ATG5: variants seen among roughly 807,000 people sequenced by gnomAD.
ATG5 encodes autophagy related 5, also known as autophagy protein 5.
Under a neutral mutation model 36.5 loss-of-function variants are expected in ATG5, and 14 were observed. The observed-to-expected ratio is 0.38, with a 90% CI of 0.25 to 0.60. The LOEUF (loss-of-function observed/expected upper bound fraction) is 0.60. Among genes scored for constraint, ATG5 ranks in the 20% least tolerant of loss-of-function variants. The pLI, the probability that ATG5 is intolerant of heterozygous loss-of-function variation, is 0.60. For synonymous variants in ATG5, 95 were observed against 101.5 expected (o/e 0.94, Z 0.38); for missense variants, 195 against 326.7 (o/e 0.60, Z 3.11).
chr6:106,279,100 G>T (rs1319312866), intron 5 of ATG5, among the ~76,000 whole-genome samples: 2 of 152,224 alleles, frequency 1.3e-5, no homozygotes, highest in African/African-American at 4.8e-5. Context: ...GAAGGCACTA[G>T]AGGGTGATCA....
intron 1 of ATG5, among the ~76,000 whole-genome samples, chr6:106,320,138 C>A (rs1169441115): frequency 1.3e-5 from 2 of 152,174 alleles, no homozygotes; most frequent in East Asian, 3.9e-4. Flanking sequence ...AAATTAGAAG[C>A]CACATCCTAA....
intron 5 of ATG5, among the ~76,000 whole-genome samples, chr6:106,274,665 A>G (rs1779576347): frequency 6.6e-6 from 1 of 152,180 alleles, no homozygotes; most frequent in Admixed American, 6.5e-5. Flanking sequence ...ATAAATTCAA[A>G]CAAGACACTT....
At position 106,255,440 on chromosome 6, in the gene ATG5, G is replaced by A. The variant is rs368297491; in HGVS notation, c.479-7196C>T. Among the ~76,000 whole-genome samples, 10 of 152,160 alleles carry A rather than the reference G, an allele frequency of 6.6e-5. No homozygotes were observed. In the East Asian group the frequency reaches 1.2e-3, roughly 18 times the overall value. On this transcript the variant is annotated intron_variant, in intron 5 of 7. Coordinates refer to ENST00000369076, the MANE Select transcript of ATG5 (RefSeq NM_004849.4). Reference sequence around the variant, plus strand: ...GTAAATCGTTAAAAACTACTGCTTGGAAATTTAAAGAAAATTAATCTTATT... The same window carrying A: ...GTAAATCGTTAAAAACTACTGCTTGAAAATTTAAAGAAAATTAATCTTATT...
intron 6 of ATG5, among the ~76,000 whole-genome samples, chr6:106,208,792 CTATAATA>C: frequency 6.6e-6 from 1 of 152,084 alleles, no homozygotes; most frequent in East Asian, 1.9e-4. Flanking sequence ...GGTCTTGTGT[CTATAATA>C]TATAAGAACT....
chr6:106,251,566 C>T (rs762937044), intron 5 of ATG5, among the ~76,000 whole-genome samples: 3 of 103,548 alleles, frequency 2.9e-5, no homozygotes, highest in African/African-American at 7.6e-5. Context: ...CTTTAATCTT[C>T]TTATAGAAAC....
intron 4 of ATG5, among the ~76,000 whole-genome samples, chr6:106,284,687 A>G (rs1780007142): frequency 6.6e-6 from 1 of 150,950 alleles, no homozygotes; most frequent in Non-Finnish European, 1.5e-5. Context: ...TAACCAATCT[A>G]GAGGGCGTGA....
Position 106,323,253 on chromosome 6 carries a change from A to G in ATG5, c.-59+2273T>C, listed in dbSNP as rs573324193. 2.4e-4 allele frequency among the ~76,000 whole-genome samples: 35 copies of G among 142,896 alleles called. No individual in the cohort carries two copies. In the East Asian group the frequency reaches 7.1e-3, roughly 29 times the overall value. 93.7% of individuals were successfully genotyped at this position (142,896 alleles called of 152,430 possible). ...TGGTCTTTTCCGTTTCGCTAAGTGG[A>G]AAAGTCCTTTTTTTTTTTTTTTTTT... is the stretch of plus-strand genomic sequence containing the variant. On this transcript the variant is annotated intron_variant, in intron 1 of 7. Transcript: ENST00000369076.
intron 6 of ATG5, among the ~76,000 whole-genome samples, chr6:106,219,011 G>A (rs1031368466): frequency 2.6e-5 from 4 of 151,830 alleles, no homozygotes; most frequent in Non-Finnish European, 5.9e-5. Context: ...AAGAAAAAAA[G>A]GAAGAAGGAA....
intron 6 of ATG5, among the ~76,000 whole-genome samples, chr6:106,212,840 T>C (rs1415609944): frequency 2.0e-5 from 3 of 152,210 alleles, no homozygotes; most frequent in Non-Finnish European, 2.9e-5. Flanking sequence ...ACTTTTCTTA[T>C]AGATCTTTAG....
At chr6:106,304,423 C>A (rs1770350774) in intron 3 of ATG5, 2 of 152,130 alleles carry the variant, frequency 1.3e-5, no homozygotes, top group African/African-American at 4.8e-5. Flanking sequence ...AGAATGGAAA[C>A]AATCCAATGT....
intron 3 of ATG5, among the ~76,000 whole-genome samples, chr6:106,308,131 T>C (rs1770517598): frequency 6.6e-6 from 1 of 152,182 alleles, no homozygotes; most frequent in South Asian, 2.1e-4. Context: ...TTGTACCATA[T>C]AAAAATCTAT....
chr6:106,291,622 G>C (rs1202988058), intron 4 of ATG5, among the ~76,000 whole-genome samples: 1 of 152,092 alleles, frequency 6.6e-6, no homozygotes, highest in Non-Finnish European at 1.5e-5. Flanking sequence ...AAGTATTTTA[G>C]AGCTTATTTT....
chr6:106,212,239 G>A (rs1007627413), intron 6 of ATG5, among the ~76,000 whole-genome samples: 1 of 152,164 alleles, frequency 6.6e-6, no homozygotes, highest in Non-Finnish European at 1.5e-5. Context: ...TAATTGAACT[G>A]AAAAGGCATT....
chr6:106,195,808 T>TTAAAAAAA (rs1238310122), intron 7 of ATG5, among the ~76,000 whole-genome samples: 1 of 91,348 alleles, frequency 1.1e-5, no homozygotes, highest in South Asian at 4.2e-4. Context: ...TGCTCCCCTC[T>TTAAAAAAA]AAAAAAAAAA....
intron 5 of ATG5, chr6:106,271,496 CACCTTCCTCTTGG>C (rs1222351115): frequency 2.6e-5 from 4 of 152,196 alleles, no homozygotes; most frequent in African/African-American, 9.7e-5. Context: ...GAATTGCAGG[CACCTTCCTCTTGG>C]ACTCTCTAGC....
chr6:106,271,967 A>C (rs966803857), intron 5 of ATG5, among the ~76,000 whole-genome samples: 1 of 152,228 alleles, frequency 6.6e-6, no homozygotes, highest in Non-Finnish European at 1.5e-5. Flanking sequence ...CCAGATAAAT[A>C]TGCATGATCT....
At chr6:106,188,672 G>A (rs1775861894) in intron 7 of ATG5, among the ~76,000 whole-genome samples, 1 of 152,206 alleles carries the variant, frequency 6.6e-6, no homozygotes, top group African/African-American at 2.4e-5. Context: ...TTCAAACACT[G>A]TGTAACAAGC....
At chr6:106,303,529 A>G (rs1770297528) in intron 3 of ATG5, among the ~76,000 whole-genome samples, 4 of 152,142 alleles carry the variant, frequency 2.6e-5, no homozygotes, top group Admixed American at 2.6e-4. Flanking sequence ...TCCAGAAAAT[A>G]CATCAGAACA....
At chr6:106,300,651 T>G (rs1770172744) in intron 3 of ATG5, among the ~76,000 whole-genome samples, 1 of 152,094 alleles carries the variant, frequency 6.6e-6, no homozygotes, top group African/African-American at 2.4e-5. Flanking sequence ...TCCTAGGCTA[T>G]AATCCTGTAC....
Sources: gnomAD v4.1 joint callset for allele counts (sites outside exome capture counted in the v4.1 genomes callset) on GRCh38, gnomAD v4.1.1 for gene constraint, MANE v1.5 for transcripts, NCBI Gene and HGNC (gene_info 2026-07-23, HGNC 2026-07-21) for gene names.